Variants in NBAS observed in about 807,000 individuals in gnomAD.
NBAS encodes NAG/BC035112 fusion.
A neutral mutation model predicts 302.5 loss-of-function variants in NBAS; 219 were observed. That is an observed-to-expected ratio of 0.72 (90% CI 0.65 to 0.81). The LOEUF (loss-of-function observed/expected upper bound fraction) is 0.81, where lower values mean the gene tolerates loss of function less well. Ranked by LOEUF, NBAS falls within the 30% of genes least tolerant of loss-of-function variation. The probability of loss-of-function intolerance (pLI) is 0.00; values close to 1 mark genes in which losing one functional copy is unlikely to be tolerated. For synonymous variants in NBAS, 1,118 were observed against 1,021.6 expected (o/e 1.09, Z -1.80); for missense variants, 2,932 against 2,841.6 (o/e 1.03, Z -0.72).
the NBAS span, among the ~76,000 whole-genome samples, chr2:15,066,041 C>A: frequency 7.9e-6 from 1 of 126,200 alleles, no homozygotes; most frequent in Non-Finnish European, 1.8e-5. Flanking sequence ...GAAATAAAGA[C>A]CAATGGAACA....
At chr2:15,120,010 G>A in the NBAS span, among the ~76,000 whole-genome samples, 6 of 152,136 alleles carry the variant, frequency 3.9e-5, no homozygotes, top group African/African-American at 7.2e-5. Context: ...CAGTGACCCC[G>A]GCAGGTGGAC....
intron 31 of NBAS, among the ~76,000 whole-genome samples, chr2:15,370,227 A>G (rs910553757): frequency 3.9e-5 from 6 of 152,186 alleles, no homozygotes; most frequent in Non-Finnish European, 8.8e-5. Context: ...CAACCTAGGC[A>G]AGTTACTTAA....
chr2:15,187,783 G>A (rs1665158548), intron 49 of NBAS, among the ~76,000 whole-genome samples: 1 of 152,178 alleles, frequency 6.6e-6, no homozygotes, highest in African/African-American at 2.4e-5. Context: ...AACAACCAGG[G>A]ATGGTCTTGC....
chr2:14,902,544 T>A, the NBAS span, among the ~76,000 whole-genome samples: 1 of 152,194 alleles, frequency 6.6e-6, no homozygotes, highest in African/African-American at 2.4e-5. Flanking sequence ...TAGACCCATG[T>A]GTAGAATATC....
intron 51 of NBAS, among the ~76,000 whole-genome samples, chr2:15,174,038 G>C (rs2125107201): frequency 6.6e-6 from 1 of 152,296 alleles, no homozygotes; most frequent in Non-Finnish European, 1.5e-5. Flanking sequence ...TGCTGTTTAG[G>C]AATCCCAGGC....
the NBAS span, among the ~76,000 whole-genome samples, chr2:15,002,261 C>T: frequency 6.6e-6 from 1 of 152,078 alleles, no homozygotes; most frequent in Non-Finnish European, 1.5e-5. Flanking sequence ...GGTGTATTTA[C>T]AATCCCTGAG....
At chr2:15,460,360 T>C (rs1297721275) in intron 21 of NBAS, among the ~76,000 whole-genome samples, 2 of 152,190 alleles carry the variant, frequency 1.3e-5, no homozygotes, top group Non-Finnish European at 2.9e-5. Flanking sequence ...GCAGAAAAGA[T>C]AAATCATGTA....
chr2:15,323,886 C>T lies in NBAS; in HGVS notation c.4582+3864G>A, dbSNP rs533943054. ...ACAAAACAAAACAAAACAAAAAAAC[C>T]CGGGCCCAACTCCACAGTTTCTGAA... On this transcript the variant is annotated intron_variant, in intron 38 of 51. Coordinates refer to ENST00000281513, the MANE Select transcript of NBAS (RefSeq NM_015909.4). 2.8e-5 allele frequency among the ~76,000 whole-genome samples: 4 copies of T among 141,086 alleles called. No homozygotes were observed. In the South Asian group the frequency reaches 7.5e-4, roughly 26 times the overall value. The allele number at this position is 141,086 out of a possible 152,430, so 92.6% of individuals were successfully genotyped here.
the NBAS span, among the ~76,000 whole-genome samples, chr2:14,858,150 C>T: frequency 8.5e-5 from 13 of 152,114 alleles, no homozygotes; most frequent in South Asian, 1.0e-3. Context: ...GAGCTTTTAT[C>T]CAAAAGTCAG....
chr2:15,439,557 T>A (rs780792955), intron 21 of NBAS, among the ~76,000 whole-genome samples: 1 of 152,120 alleles, frequency 6.6e-6, no homozygotes, highest in African/African-American at 2.4e-5. Context: ...AGCTCTGGTC[T>A]ACAGCTCCCA....
intron 25 of NBAS, among the ~76,000 whole-genome samples, chr2:15,415,305 G>T (rs1034590786): frequency 3.3e-5 from 5 of 152,162 alleles, no homozygotes; most frequent in Admixed American, 6.5e-5. Context: ...TCTTGGTATT[G>T]CCAGCTTCTT....
At chr2:15,424,900 A>G (rs544587509) in intron 22 of NBAS, among the ~76,000 whole-genome samples, 1 of 152,274 alleles carries the variant, frequency 6.6e-6, no homozygotes, top group African/African-American at 2.4e-5. Flanking sequence ...GAATTAAGAA[A>G]TCTTGTTTTC....
At chr2:14,898,245 T>G in the NBAS span, among the ~76,000 whole-genome samples, 13 of 152,328 alleles carry the variant, frequency 8.5e-5, no homozygotes, top group Non-Finnish European at 1.5e-4. Context: ...TTAGGAAATG[T>G]AAAGCCTCTC....
At chr2:15,002,460 C>G in the NBAS span, among the ~76,000 whole-genome samples, 1 of 152,200 alleles carries the variant, frequency 6.6e-6, no homozygotes, top group Non-Finnish European at 1.5e-5. Context: ...CTCAGGAGCC[C>G]AGCTGGCTTC....
At chr2:14,813,007 A>G in the NBAS span, among the ~76,000 whole-genome samples, 178 of 152,244 alleles carry the variant, frequency 1.2e-3, no homozygotes, top group Non-Finnish European at 1.9e-3. Flanking sequence ...CTGCCACTAT[A>G]TGAAGACGTG....
At chr2:15,315,299 G>C (rs1009333159) in intron 38 of NBAS, among the ~76,000 whole-genome samples, 1 of 152,186 alleles carries the variant, frequency 6.6e-6, no homozygotes, top group Non-Finnish European at 1.5e-5. Context: ...GAAAAATACA[G>C]GTACAGTAAA....
At chr2:14,901,087 G>C in the NBAS span, among the ~76,000 whole-genome samples, 10 of 152,254 alleles carry the variant, frequency 6.6e-5, no homozygotes, top group Admixed American at 6.5e-4. Flanking sequence ...TTAAGCACAG[G>C]CACAGCTCAT....
chr2:15,449,528 A>C (rs1678905026), intron 21 of NBAS, among the ~76,000 whole-genome samples: 1 of 152,174 alleles, frequency 6.6e-6, no homozygotes, highest in Non-Finnish European at 1.5e-5. Flanking sequence ...TCCAAGGCCC[A>C]AAAAAACTAC....
intron 48 of NBAS, among the ~76,000 whole-genome samples, chr2:15,197,604 C>T (rs927542658): frequency 5.3e-5 from 8 of 152,176 alleles, no homozygotes; most frequent in East Asian, 1.9e-4. Flanking sequence ...TCCAGTCCTA[C>T]GAGGAGTTCT....
Sources: gnomAD v4.1 joint callset for allele counts (sites outside exome capture counted in the v4.1 genomes callset) on GRCh38, gnomAD v4.1.1 for gene constraint, MANE v1.5 for transcripts, NCBI Gene and HGNC (gene_info 2026-07-23, HGNC 2026-07-21) for gene names.